SLC25A28: variants seen among roughly 807,000 people sequenced by gnomAD.
The protein encoded by SLC25A28 is mitoferrin-2.
A neutral mutation model predicts 31.9 loss-of-function variants in SLC25A28; 10 were observed. The observed-to-expected ratio is 0.31, with a 90% CI of 0.19 to 0.53. SLC25A28 has a LOEUF of 0.53. Ranked by LOEUF, SLC25A28 falls within the 20% of genes least tolerant of loss-of-function variation. The probability of loss-of-function intolerance (pLI) is 0.95; values close to 1 mark genes in which losing one functional copy is unlikely to be tolerated. For synonymous variants in SLC25A28, 208 were observed against 203.6 expected (o/e 1.02, Z -0.19); for missense variants, 256 against 490.3 (o/e 0.52, Z 4.51).
chr10:99,616,533 G>C, intron 1 of SLC25A28: 1 of 985,124 alleles, frequency 1.0e-6, no homozygotes, highest in South Asian at 4.7e-5. Flanking sequence ...AAATATACAT[G>C]GGCAACTAAC....
the SLC25A28 span, among the ~76,000 whole-genome samples, chr10:99,635,252 C>G: frequency 1.3e-5 from 2 of 151,948 alleles, no homozygotes; most frequent in African/African-American, 4.8e-5. Context: ...AAGGCAAAGC[C>G]AAAAACAAAA....
At chr10:99,617,926 T>C (rs2034696596) in intron 1 of SLC25A28, 1 of 431,840 alleles carries the variant, frequency 2.3e-6, no homozygotes, top group African/African-American at 2.1e-5. Flanking sequence ...AGCAAAGCTG[T>C]GGTTATGCAA....
At chr10:99,647,236 CAT>C in the SLC25A28 span, among the ~76,000 whole-genome samples, 3 of 152,158 alleles carry the variant, frequency 2.0e-5, no homozygotes, top group African/African-American at 7.2e-5. Context: ...AAGAAATCTC[CAT>C]ACTGTTTTCC....
chr10:99,612,362 A>G (rs2034545302), intron 3 of SLC25A28, among the ~76,000 whole-genome samples, 181 bp downstream of exon 3: 1 of 152,220 alleles, frequency 6.6e-6, no homozygotes, highest in Admixed American at 6.5e-5. Flanking sequence ...GTAAAATCCC[A>G]GTGAATCTGC....
the SLC25A28 span, among the ~76,000 whole-genome samples, chr10:99,645,842 G>T: frequency 2.0e-5 from 3 of 152,214 alleles, no homozygotes; most frequent in Non-Finnish European, 4.4e-5. Flanking sequence ...GACTCTGTTT[G>T]CCTGGGTATC....
At chr10:99,653,014 GA>G in the SLC25A28 span, among the ~76,000 whole-genome samples, 2 of 152,138 alleles carry the variant, frequency 1.3e-5, no homozygotes, top group African/African-American at 4.8e-5. Context: ...ATGTCATTAT[GA>G]ATATCCAAAA....
the SLC25A28 span, among the ~76,000 whole-genome samples, chr10:99,626,709 C>T: frequency 6.6e-6 from 1 of 151,954 alleles, no homozygotes; most frequent in East Asian, 1.9e-4. Flanking sequence ...AAGGGCAAAA[C>T]ATGGCTTTAA....
At chr10:99,615,781 CTTA>C in intron 1 of SLC25A28, 5 of 985,370 alleles carry the variant, frequency 5.1e-6, no homozygotes, top group Non-Finnish European at 6.0e-6. Flanking sequence ...AGCCTCTTAG[CTTA>C]TCGTGTTTCC....
intron 1 of SLC25A28, chr10:99,619,298 A>G (rs958503755): frequency 1.0e-6 from 1 of 985,266 alleles, no homozygotes; most frequent in African/African-American, 1.7e-5. Context: ...CTTTTTGCCA[A>G]CTTCAGGTGG....
At chr10:99,651,696 T>C in the SLC25A28 span, among the ~76,000 whole-genome samples, 200 of 150,166 alleles carry the variant, frequency 1.3e-3, no homozygotes, top group African/African-American at 4.4e-3. Context: ...GCTCACATGA[T>C]CCTCTCACCT....
chr10:99,624,295 A>G (rs2034845168), upstream of SLC25A28, among the ~76,000 whole-genome samples: 1 of 141,336 alleles, frequency 7.1e-6, no homozygotes, highest in South Asian at 2.2e-4. Context: ...GGGTCTTGCT[A>G]TCTTGCCCAA....
At chr10:99,618,684 T>C in intron 1 of SLC25A28, 1 of 985,440 alleles carries the variant, frequency 1.0e-6, no homozygotes, top group Non-Finnish European at 1.2e-6. Flanking sequence ...ATTTACCCCG[T>C]TTTCAATGGA....
At chr10:99,612,722 G>T in intron 2 of SLC25A28, 123 bp from the exon 3 acceptor site, 1 of 1,090,602 alleles carries the variant, frequency 9.2e-7, no homozygotes, top group Non-Finnish European at 1.4e-6. Flanking sequence ...TTAAGAGCTA[G>T]TCCAAAAGAT....
At chr10:99,625,280 C>G (rs1295661213), upstream of SLC25A28, among the ~76,000 whole-genome samples, 1 of 152,028 alleles carries the variant, frequency 6.6e-6, no homozygotes, top group Non-Finnish European at 1.5e-5. Flanking sequence ...CTGCTGCTGG[C>G]TAGGGTGGCC....
intron 1 of SLC25A28, chr10:99,615,975 T>A: frequency 2.0e-6 from 2 of 985,324 alleles, no homozygotes; most frequent in Non-Finnish European, 2.4e-6. Flanking sequence ...TATATACACA[T>A]CTAAATCTAA....
chr10:99,623,297 G>A (rs937186871), upstream of SLC25A28, among the ~76,000 whole-genome samples: 3 of 152,082 alleles, frequency 2.0e-5, no homozygotes, highest in Admixed American at 1.3e-4. Context: ...ATAAACAAGG[G>A]GTGAATATCC....
the SLC25A28 span, among the ~76,000 whole-genome samples, chr10:99,627,865 C>T: frequency 9.4e-5 from 8 of 84,956 alleles, no homozygotes; most frequent in African/African-American, 3.4e-4. Flanking sequence ...ACAATTCTTA[C>T]CCACCTCCCG....
the SLC25A28 span, among the ~76,000 whole-genome samples, chr10:99,654,657 T>TAACAACAAC: frequency 2.2e-4 from 33 of 150,778 alleles, no homozygotes; most frequent in East Asian, 5.9e-4. Flanking sequence ...CCCATCTCAA[T>TAACAACAAC]AACAACAACA....
upstream of SLC25A28, chr10:99,622,049 T>G (rs2133368452): frequency 6.6e-6 from 1 of 152,428 alleles, no homozygotes; most frequent in African/African-American, 2.4e-5. Context: ...GCCGGCGCAG[T>G]GGCTCATGCC....
Sources: gnomAD v4.1 joint callset for allele counts (sites outside exome capture counted in the v4.1 genomes callset) on GRCh38, gnomAD v4.1.1 for gene constraint, MANE v1.5 for transcripts, NCBI Gene and HGNC (gene_info 2026-07-23, HGNC 2026-07-21) for gene names.